Variants in VOPP1 observed in about 807,000 individuals in gnomAD.
The protein encoded by VOPP1 is VOPP1 WW domain binding protein.
VOPP1 carries 8 observed loss-of-function variants against 23.5 expected under a neutral mutation model. The observed-to-expected ratio is 0.34, with a 90% CI of 0.20 to 0.61. The LOEUF (loss-of-function observed/expected upper bound fraction) is 0.61. VOPP1 is among the 20% of genes least tolerant of loss of function. The pLI, the probability that VOPP1 is intolerant of heterozygous loss-of-function variation, is 0.78. For synonymous variants in VOPP1, 83 were observed against 97.3 expected (o/e 0.85, Z 0.86); for missense variants, 174 against 238.1 (o/e 0.73, Z 1.77).
intron 2 of VOPP1, among the ~76,000 whole-genome samples, chr7:55,500,938 C>T (rs1361728915): frequency 6.6e-6 from 1 of 152,196 alleles, no homozygotes; most frequent in South Asian, 2.1e-4. Flanking sequence ...CTTCTCTATC[C>T]CCACTTGATT....
downstream of VOPP1, among the ~76,000 whole-genome samples, chr7:55,469,725 C>G (rs181669401): frequency 1.2e-3 from 188 of 152,302 alleles, no homozygotes; most frequent in Middle Eastern, 6.8e-3. Context: ...AACTGTATGG[C>G]CTACTAATTT....
At chr7:55,559,775 A>G (rs979652842) in intron 1 of VOPP1, among the ~76,000 whole-genome samples, 1 of 152,194 alleles carries the variant, frequency 6.6e-6, no homozygotes, top group Admixed American at 6.5e-5. Context: ...CCCAGGGCAC[A>G]TGCAGTGGAA....
chr7:55,479,017 T>TAAAC (rs1454679638), intron 4 of VOPP1, among the ~76,000 whole-genome samples: 8 of 152,212 alleles, frequency 5.3e-5, no homozygotes, highest in Non-Finnish European at 8.8e-5. Flanking sequence ...GCCATGCAGT[T>TAAAC]AAACCATGGC....
At chr7:55,562,083 G>A (rs1481550484) in intron 1 of VOPP1, 1 of 702,986 alleles carries the variant, frequency 1.4e-6, no homozygotes. Flanking sequence ...TAGGCTCCAG[G>A]TGCAGGTAAT....
intron 1 of VOPP1, chr7:55,538,519 G>T: frequency 8.3e-7 from 1 of 1,201,056 alleles, no homozygotes; most frequent in Non-Finnish European, 1.2e-6. Context: ...CAACCCTATG[G>T]TCCAAAGACT....
intron 2 of VOPP1, among the ~76,000 whole-genome samples, chr7:55,509,565 G>T (rs562493145): frequency 3.0e-4 from 45 of 152,274 alleles, no homozygotes; most frequent in Admixed American, 4.6e-4. Flanking sequence ...TAGGAATTTT[G>T]TAAGGACACA....
chr7:55,520,518 C>T (rs749028777), intron 2 of VOPP1, among the ~76,000 whole-genome samples: 3 of 152,156 alleles, frequency 2.0e-5, no homozygotes, highest in Non-Finnish European at 4.4e-5. Context: ...GCCCTCATTA[C>T]AGAAAGACTG....
At chr7:55,552,657 T>C (rs1205698374) in intron 1 of VOPP1, 1 of 1,535,966 alleles carries the variant, frequency 6.5e-7, no homozygotes, top group Non-Finnish European at 8.7e-7. Flanking sequence ...TCCTACCATA[T>C]GACACCGCCT....
At chr7:55,521,235 C>T in intron 1 of VOPP1, 105 bp from the exon 2 acceptor site, 15 of 1,181,940 alleles carry the variant, frequency 1.3e-5, no homozygotes, top group Non-Finnish European at 1.8e-5. Context: ...CAGCTTAACC[C>T]ATGAAAAGCT....
At chr7:55,557,235 A>G (rs1350794909) in intron 1 of VOPP1, among the ~76,000 whole-genome samples, 1 of 152,164 alleles carries the variant, frequency 6.6e-6, no homozygotes, top group African/African-American at 2.4e-5. Flanking sequence ...AGAAAGCCCC[A>G]GTCTCCTGAG....
intron 1 of VOPP1, among the ~76,000 whole-genome samples, chr7:55,564,274 T>TC (rs775517166): frequency 7.7e-6 from 1 of 130,448 alleles, no homozygotes; most frequent in African/African-American, 2.7e-5. Flanking sequence ...TCTCGCTCGC[T>TC]TGCTCTCTCT....
At chr7:55,564,939 A>G (rs1798116239) in intron 1 of VOPP1, among the ~76,000 whole-genome samples, 1 of 152,148 alleles carries the variant, frequency 6.6e-6, no homozygotes, top group African/African-American at 2.4e-5. Flanking sequence ...TGTGACTCCT[A>G]ACGACCACCA....
chr7:55,451,486 C>T (rs981691756), intron 4 of VOPP1, among the ~76,000 whole-genome samples: 7 of 152,160 alleles, frequency 4.6e-5, no homozygotes, highest in Admixed American at 3.3e-4. Flanking sequence ...ATGTACATAG[C>T]TTCATTAAAA....
intron 4 of VOPP1, among the ~76,000 whole-genome samples, chr7:55,484,803 C>T (rs1426108532): frequency 6.6e-6 from 1 of 152,166 alleles, no homozygotes; most frequent in African/African-American, 2.4e-5. Flanking sequence ...AAGCAACCCA[C>T]CCTACTGACA....
chr7:55,482,807 T>A (rs889122415), intron 4 of VOPP1, among the ~76,000 whole-genome samples: 6 of 152,152 alleles, frequency 3.9e-5, no homozygotes, highest in African/African-American at 1.4e-4. Flanking sequence ...CAGACAAACT[T>A]AGTGAGCAAG....
downstream of VOPP1, among the ~76,000 whole-genome samples, chr7:55,468,283 A>AAAG (rs548017404): frequency 0.011 from 1,732 of 150,840 alleles, 15 homozygotes; most frequent in Middle Eastern, 0.021. Context: ...AAAAAAAAAA[A>AAAG]AAAAAGAAAA....
chr7:55,496,420 C>T (rs1793956416), intron 3 of VOPP1, among the ~76,000 whole-genome samples: 1 of 152,252 alleles, frequency 6.6e-6, no homozygotes, highest in African/African-American at 2.4e-5. Context: ...AACCTTTGAA[C>T]AGTCTTAGGC....
At chr7:55,482,201 C>T (rs1490584221) in intron 4 of VOPP1, among the ~76,000 whole-genome samples, 1 of 151,980 alleles carries the variant, frequency 6.6e-6, no homozygotes, top group Non-Finnish European at 1.5e-5. Flanking sequence ...AACTGATAAG[C>T]GGGAGGAAGG....
intron 1 of VOPP1, among the ~76,000 whole-genome samples, chr7:55,558,152 C>T (rs1797870904): frequency 6.6e-6 from 1 of 152,076 alleles, no homozygotes; most frequent in Non-Finnish European, 1.5e-5. Context: ...AGAGGTCCTG[C>T]AGTTAACACT....
Sources: gnomAD v4.1 joint callset for allele counts (sites outside exome capture counted in the v4.1 genomes callset) on GRCh38, gnomAD v4.1.1 for gene constraint, MANE v1.5 for transcripts, NCBI Gene and HGNC (gene_info 2026-07-23, HGNC 2026-07-21) for gene names.